Variants in SYNE1 observed in about 807,000 individuals in gnomAD.
SYNE1 encodes the protein spectrin repeat containing nuclear envelope protein 1.
Under a neutral mutation model 1,111.0 loss-of-function variants are expected in SYNE1, and 616 were observed. The observed-to-expected ratio is 0.55, with a 90% CI of 0.52 to 0.59. SYNE1 has a LOEUF of 0.59. Among genes scored for constraint, SYNE1 ranks in the 20% least tolerant of loss-of-function variants. SYNE1 has a pLI of 0.00. For synonymous variants in SYNE1, 3,855 were observed against 3,825.8 expected (o/e 1.01, Z -0.28); for missense variants, 10,006 against 10,417.0 (o/e 0.96, Z 1.72).
intron 28 of SYNE1, among the ~76,000 whole-genome samples, chr6:152,448,030 A>T (rs930141901): frequency 1.3e-5 from 2 of 152,176 alleles, no homozygotes; most frequent in African/African-American, 4.8e-5. Flanking sequence ...TCTTTTTTTC[A>T]ACCAGCTGAT....
chr6:152,531,734 A>G (rs1457829087), intron 4 of SYNE1, among the ~76,000 whole-genome samples: 1 of 152,186 alleles, frequency 6.6e-6, no homozygotes, highest in East Asian at 1.9e-4. Context: ...ACCTCTTATA[A>G]GTAGAATCAC....
At position 152,365,018 on chromosome 6, in the gene SYNE1, G is replaced by A. The variant is rs2097041525; in HGVS notation, c.9974C>T (p.Ala3325Val). 1 of 1,614,186 alleles carries A rather than the reference G, an allele frequency of 6.2e-7. No individual in the cohort carries two copies. ...TTTTTCCTGTTTGACTGATAATAGA[G>A]CCTGTGAAAACACATACAGAAGTCC... ...VLDSRTLKLE[A>V]LLSVKQEKEI... Residue 3325 changes from alanine (A) to valine (V), a missense_variant and splice_region_variant, in exon 63 of 146, where the codon GCT becomes GTT. Ala to Val is a moderately conservative substitution (Grantham distance 64, BLOSUM62 0). Transcript: ENST00000367255.
intron 74 of SYNE1, among the ~76,000 whole-genome samples, chr6:152,343,560 G>T (rs76536015): frequency 0.026 from 3,779 of 144,956 alleles, 147 homozygotes; most frequent in African/African-American, 0.089. Context: ...ACAGAGTCTT[G>T]TTCTGTCACC....
At chr6:152,326,255 TC>T in intron 79 of SYNE1, 40 bp downstream of exon 79, 1 of 1,613,446 alleles carries the variant, frequency 6.2e-7, no homozygotes, top group South Asian at 1.1e-5. Flanking sequence ...GTGTGGAAAT[TC>T]ATTTCACTAA....
rs1262683167 is a variant in SYNE1 at position 152,309,850 on chromosome 6, C to G, written c.17187G>C (p.Gln5729His). 6.2e-7 allele frequency: 1 copy of G among 1,614,050 alleles called. No homozygotes were observed. The highest frequency in any genetic ancestry group is 8.5e-7 in the Non-Finnish European group (1 of 1,180,038). Residue 5729 changes from glutamine to histidine, a missense_variant, in exon 90 of 146, where the codon CAG (glutamine) becomes CAC (histidine). Transcript: ENST00000367255. ...ASRLQHTAIQ[Q>H]CNIMQEAVVQ... ...CTGCACCTGCCTGCATGATGTTACA[C>G]TGCTGGATGGCGGTGTGCTGCAGCC...
chr6:152,399,886 C>A, intron 47 of SYNE1, 63 bp from the exon 48 acceptor site: 1 of 1,523,394 alleles, frequency 6.6e-7, no homozygotes, highest in Non-Finnish European at 9.1e-7. Context: ...CCATTTACTT[C>A]ACTATGGTAC....
intron 130 of SYNE1, among the ~76,000 whole-genome samples, chr6:152,169,715 G>A (rs2064682859): frequency 6.7e-6 from 1 of 150,280 alleles, no homozygotes; most frequent in Non-Finnish European, 1.5e-5. Context: ...GAGGAAGACT[G>A]CTTGAGCCCA....
chr6:152,297,770 G>A (rs1255903669), intron 93 of SYNE1, among the ~76,000 whole-genome samples: 3 of 144,102 alleles, frequency 2.1e-5, no homozygotes, highest in Non-Finnish European at 4.5e-5. Flanking sequence ...TTTTTTTCTG[G>A]CAGTCTCACT....
intron 29 of SYNE1, among the ~76,000 whole-genome samples, chr6:152,446,841 A>G (rs1592882627): frequency 1.3e-5 from 2 of 152,328 alleles, no homozygotes; most frequent in Admixed American, 1.3e-4. Flanking sequence ...AAACATTAAA[A>G]TGCATATCAA....
At chr6:152,499,116 T>A (rs1254555337) in intron 10 of SYNE1, among the ~76,000 whole-genome samples, 1 of 152,136 alleles carries the variant, frequency 6.6e-6, no homozygotes, top group African/African-American at 2.4e-5. Context: ...TATGGACTCA[T>A]ATTACTTTCC....
rs1212352602 is a variant in SYNE1 at position 152,321,905 on chromosome 6, G to C, written c.15918-19C>G. 3.1e-6 allele frequency: 5 copies of C among 1,613,904 alleles called. No individual in the cohort carries two copies. Among genetic ancestry groups the C allele is most frequent in the African/African-American group, 1.3e-5 (1 of 74,996 alleles). On this transcript the variant is annotated intron_variant, in intron 82 of 145. Coordinates refer to ENST00000367255, the MANE Select transcript of SYNE1 (RefSeq NM_182961.4). The stretch of plus-strand genomic sequence containing the variant: ...CTGCATGCTTCAGAAACATTACAGG[G>C]ATAAAACAGAAGTGAAGTGAAAGGA...
chr6:152,526,671 G>A (rs1263211121), intron 4 of SYNE1, among the ~76,000 whole-genome samples: 2 of 152,158 alleles, frequency 1.3e-5, no homozygotes, highest in Admixed American at 6.5e-5. Context: ...TGACCTGCTA[G>A]AGGAGCACTG....
At chr6:152,306,084 A>T (rs1316521312) in intron 91 of SYNE1, among the ~76,000 whole-genome samples, 1 of 152,236 alleles carries the variant, frequency 6.6e-6, no homozygotes, top group East Asian at 1.9e-4. Context: ...GGACACAAAG[A>T]TACTGAGACT....
At chr6:152,595,482 G>A (rs1036153605) in intron 3 of SYNE1, among the ~76,000 whole-genome samples, 30 of 152,122 alleles carry the variant, frequency 2.0e-4, no homozygotes, top group Admixed American at 3.3e-4. Flanking sequence ...ACATCAACTC[G>A]TTAGCATGCT....
At chr6:152,122,773 C>T in intron 145 of SYNE1, 97 bp from the exon 146 acceptor site, 2 of 1,577,776 alleles carry the variant, frequency 1.3e-6, no homozygotes, top group Non-Finnish European at 1.7e-6. Context: ...AAGGGCCATG[C>T]CAAGCACACC....
rs146632668 is a variant in SYNE1, at chr6:152,341,659, G to A, written c.12226-2293C>T. Reference sequence around the variant, plus strand: ...TCTTGGTACCATGCCCATTGTAAGCGGATTCTCCAGTCACATATCCAAGCT... The same window carrying A: ...TCTTGGTACCATGCCCATTGTAAGCAGATTCTCCAGTCACATATCCAAGCT... On this transcript the variant is annotated intron_variant, in intron 74 of 145. Transcript: ENST00000367255. Among the ~76,000 whole-genome samples the A allele has an allele frequency of 3.5e-3, 528 of 152,230 alleles. 3 individuals carry two copies. Among genetic ancestry groups the A allele is most frequent in the South Asian group, 0.014 (65 of 4,814 alleles).
intron 18 of SYNE1, among the ~76,000 whole-genome samples, chr6:152,464,444 A>G (rs2098752777): frequency 6.6e-6 from 1 of 152,194 alleles, no homozygotes; most frequent in Admixed American, 6.5e-5. Flanking sequence ...AGAAAAGCCA[A>G]AATCTGTATG....
Position 152,331,674 on chromosome 6 carries a change from T to G in SYNE1, c.13011A>C (p.Gln4337His). Residue 4337 changes from glutamine (Q) to histidine (H), a missense_variant, in exon 78 of 146, where the codon CAA (glutamine) becomes CAC (histidine). Physicochemically the swap from Gln to His is conservative, Grantham distance 24 (BLOSUM62 0). Transcript: ENST00000367255. ...ACTCCTCCAAGTTGGTGACTGACAC[T>G]TGGATTTTCCTTTTAATGAGGTCCT... ...QLEDLIKRKI[Q>H]VSVTNLEELN... The G allele has an allele frequency of 6.2e-7, 1 of 1,614,208 alleles. No individual in the cohort carries two copies. The highest frequency in any genetic ancestry group is 8.5e-7 in the Non-Finnish European group (1 of 1,180,036).
chr6:152,404,234 T>C lies in SYNE1; in HGVS notation c.6804A>G (p.Leu2268=). ...TTACCTGAAGGTCTGGCGGTGTTTC[T>C]AGATTTTTAGTTAATTCTTTCAGAT... is the stretch of plus-strand genomic sequence containing the variant. ...VNDLKELTKN[L]ETPPDLQFIE... is the part of the protein sequence containing the mutation. The change falls in exon 46 of 146, where the codon CTA becomes CTG. Residue 2268 remains leucine (L), a synonymous_variant. Coordinates refer to ENST00000367255, the MANE Select transcript of SYNE1 (RefSeq NM_182961.4). The C allele has an allele frequency of 1.9e-6, 3 of 1,613,176 alleles. No homozygotes were observed. The highest frequency in any genetic ancestry group is 2.5e-6 in the Non-Finnish European group (3 of 1,179,684).
Sources: allele counts gnomAD v4.1 joint callset (sites outside exome capture counted in the v4.1 genomes callset), GRCh38; gene constraint gnomAD v4.1.1; transcripts MANE v1.5; gene names NCBI Gene and HGNC (gene_info 2026-07-23, HGNC 2026-07-21).